CLIC5: variants seen among roughly 807,000 people sequenced by gnomAD.
CLIC5 encodes chloride intracellular channel protein 5.
A neutral mutation model predicts 24.7 loss-of-function variants in CLIC5; 20 were observed. That is an observed-to-expected ratio of 0.81 (90% confidence interval 0.57 to 1.18). The LOEUF is 1.18. Among genes scored for constraint, CLIC5 ranks in the 50% most tolerant of loss-of-function variants. The pLI, the probability that CLIC5 is intolerant of heterozygous loss-of-function variation, is 0.00. For missense variants in CLIC5, 341 were observed against 326.1 expected (o/e 1.05, Z -0.35); for synonymous variants, 159 against 135.6 (o/e 1.17, Z -1.20).
In CLIC5 at chr6:45,901,692, G is replaced by A. The variant is rs1762515735; in HGVS notation, c.*1396C>T. On this transcript the variant is annotated 3_prime_UTR_variant, in exon 6 of 6. Coordinates refer to ENST00000339561, the MANE Select transcript of CLIC5 (RefSeq NM_016929.5). ...TCCTCTGCACAGGTCCCCAAGCTCA[G>A]GCTGGGTAAGCTTTTTAGGAGATGA... The A allele has an allele frequency of 6.6e-6, 1 of 152,506 alleles. No individual in the cohort carries two copies. The highest frequency in any genetic ancestry group is 6.5e-5 in the Admixed American group (1 of 15,282). 9.4% of individuals were successfully genotyped at this position (152,506 alleles called of 1,614,324 possible).
downstream of CLIC5, among the ~76,000 whole-genome samples, chr6:45,896,699 G>A (rs1167282315): frequency 2.6e-5 from 4 of 152,198 alleles, no homozygotes; most frequent in Admixed American, 6.5e-5. Context: ...CTCTGGAACA[G>A]GACTTAGTCT....
chr6:46,082,532 C>T (rs868720367), upstream of CLIC5, among the ~76,000 whole-genome samples: 1 of 152,202 alleles, frequency 6.6e-6, no homozygotes. Context: ...TTTTTCACCC[C>T]TTGCCGACCC....
chr6:45,903,028 T>A lies in CLIC5; in HGVS notation c.*60A>T. The A allele has an allele frequency of 6.3e-7, 1 of 1,583,640 alleles. No individual in the cohort carries two copies. The highest frequency in any genetic ancestry group is 1.7e-5 in the Admixed American group (1 of 59,424). On this transcript the variant is annotated 3_prime_UTR_variant, in exon 6 of 6. Coordinates refer to ENST00000339561, the MANE Select transcript of CLIC5 (RefSeq NM_016929.5). Reference sequence around the variant, plus strand: ...AGTGATACAGAGGAGTCTATGAAGCTGGAGTCTTAGGGGAGTGGTTGAGTC... The same window carrying A: ...AGTGATACAGAGGAGTCTATGAAGCAGGAGTCTTAGGGGAGTGGTTGAGTC...
chr6:46,075,816 T>C (rs1430999501), intron 1 of CLIC5, among the ~76,000 whole-genome samples: 1 of 152,144 alleles, frequency 6.6e-6, no homozygotes, highest in African/African-American at 2.4e-5. Flanking sequence ...ACAGACACAT[T>C]AGCGAATATC....
At chr6:45,926,581 A>G (rs774360377) in intron 4 of CLIC5, among the ~76,000 whole-genome samples, 32 of 152,078 alleles carry the variant, frequency 2.1e-4, no homozygotes, top group Non-Finnish European at 4.0e-4. Context: ...ATTTACCTTG[A>G]TCCAGATCAT....
At chr6:45,972,416 G>A (rs1765231535) in intron 1 of CLIC5, among the ~76,000 whole-genome samples, 1 of 152,174 alleles carries the variant, frequency 6.6e-6, no homozygotes, top group Admixed American at 6.5e-5. Context: ...ATTCCAGCTA[G>A]AACACAATGT....
intron 1 of CLIC5, 61 bp downstream of exon 1, chr6:46,015,419 C>A (rs540367721): frequency 2.8e-6 from 4 of 1,451,430 alleles, no homozygotes; most frequent in East Asian, 5.7e-5. Context: ...ACCCCGAGCC[C>A]TGGTGGGTGA....
intron 1 of CLIC5, among the ~76,000 whole-genome samples, chr6:45,988,795 T>C (rs1361099648): frequency 2.6e-5 from 4 of 152,174 alleles, no homozygotes; most frequent in African/African-American, 7.2e-5. Context: ...GCCCAGCCAA[T>C]AGTGTGAGCA....
the CLIC5 span, among the ~76,000 whole-genome samples, chr6:46,098,031 C>G: frequency 4.6e-5 from 7 of 152,162 alleles, no homozygotes; most frequent in African/African-American, 1.7e-4. Flanking sequence ...TATGGCAACT[C>G]AGCATGGAGG....
chr6:46,122,026 G>C, the CLIC5 span, among the ~76,000 whole-genome samples: 423 of 152,146 alleles, frequency 2.8e-3, no homozygotes, highest in African/African-American at 9.7e-3. Flanking sequence ...ATCAACGAGA[G>C]AGAAAGTTAA....
At chr6:45,893,956 A>G (rs537100669), downstream of CLIC5, among the ~76,000 whole-genome samples, 4 of 152,332 alleles carry the variant, frequency 2.6e-5, no homozygotes, top group South Asian at 8.3e-4. Flanking sequence ...GGGAGCAACA[A>G]CTGCCACAAG....
Position 45,983,338 on chromosome 6 carries a change from G to A in CLIC5, c.64-28094C>T, listed in dbSNP as rs865989056. On this transcript the variant is annotated intron_variant, in intron 1 of 5. Transcript: ENST00000339561. ...TGCTGTCATGCACAGAGCCACCAAA[G>A]TGTCATCAAATGAGTAGTGTCCCTA... is the stretch of plus-strand genomic sequence containing the variant. Among the ~76,000 whole-genome samples the A allele has an allele frequency of 2.0e-5, 3 of 152,162 alleles. No homozygotes were observed. The South Asian group carries it at 6.2e-4, about 32-fold the overall frequency.
chr6:46,046,649 T>C (rs1767961782), intron 1 of CLIC5, among the ~76,000 whole-genome samples: 1 of 152,234 alleles, frequency 6.6e-6, no homozygotes, highest in Admixed American at 6.5e-5. Flanking sequence ...CTTGAAACCA[T>C]GTCCATTTCT....
chr6:45,978,742 A>C (rs1387265975), intron 1 of CLIC5, among the ~76,000 whole-genome samples: 1 of 152,132 alleles, frequency 6.6e-6, no homozygotes, highest in Non-Finnish European at 1.5e-5. Context: ...GGATCACCTG[A>C]AGTCAGGAGT....
upstream of CLIC5, among the ~76,000 whole-genome samples, chr6:46,020,236 A>G (rs1156968719): frequency 6.6e-6 from 1 of 152,150 alleles, no homozygotes; most frequent in South Asian, 2.1e-4. Flanking sequence ...ATGTTCTCTG[A>G]CCATAATGGA....
intron 1 of CLIC5, among the ~76,000 whole-genome samples, chr6:46,030,002 G>C (rs1054012937): frequency 5.3e-5 from 8 of 152,158 alleles, no homozygotes; most frequent in Admixed American, 5.2e-4. Flanking sequence ...GTGAGTTATA[G>C]GGGAGGCTCA....
the CLIC5 span, among the ~76,000 whole-genome samples, chr6:46,107,669 G>A: frequency 6.6e-6 from 1 of 152,144 alleles, no homozygotes; most frequent in Admixed American, 6.5e-5. Flanking sequence ...TTCGTTAAAG[G>A]AAAAGTAATT....
At chr6:46,007,931 C>G (rs1292811663) in intron 1 of CLIC5, among the ~76,000 whole-genome samples, 1 of 145,350 alleles carries the variant, frequency 6.9e-6, no homozygotes, top group Non-Finnish European at 1.5e-5. Context: ...TTTTTTTTCC[C>G]GATTTTCATT....
At chr6:45,994,322 G>A (rs1281887607) in intron 1 of CLIC5, among the ~76,000 whole-genome samples, 2 of 152,202 alleles carry the variant, frequency 1.3e-5, no homozygotes, top group Non-Finnish European at 2.9e-5. Flanking sequence ...AAAAATGAAT[G>A]AGATCATGTC....
Sources: gnomAD v4.1 joint callset for allele counts (sites outside exome capture counted in the v4.1 genomes callset) on GRCh38, gnomAD v4.1.1 for gene constraint, MANE v1.5 for transcripts, NCBI Gene and HGNC (gene_info 2026-07-23, HGNC 2026-07-21) for gene names.